Variants in ATPAF1 observed in about 807,000 individuals in gnomAD.
ATPAF1 encodes the protein ATP synthase mitochondrial F1 complex assembly factor 1.
Under a neutral mutation model 43.9 loss-of-function variants are expected in ATPAF1, and 26 were observed. That is an observed-to-expected ratio of 0.59 (90% CI 0.43 to 0.82). ATPAF1 has a LOEUF of 0.82. Ranked by LOEUF, ATPAF1 falls within the 40% of genes least tolerant of loss-of-function variation. The pLI is 0.00. For missense variants in ATPAF1, 366 were observed against 435.0 expected (o/e 0.84, Z 1.41); for synonymous variants, 157 against 168.0 (o/e 0.93, Z 0.50).
intron 4 of ATPAF1, among the ~76,000 whole-genome samples, chr1:46,655,260 G>T (rs1304576353): frequency 6.6e-6 from 1 of 152,116 alleles, no homozygotes; most frequent in African/African-American, 2.4e-5. Context: ...AACCATATTA[G>T]ATATTATTGG....
chr1:46,643,155 ATGAGGTAAAT>A (rs751099506), intron 8 of ATPAF1, 29 bp downstream of exon 8: 1 of 1,519,054 alleles, frequency 6.6e-7, no homozygotes, highest in Admixed American at 1.7e-5. Flanking sequence ...CTTCAGTGCC[ATGAGGTAAAT>A]CCAAAGAGTT....
intron 2 of ATPAF1, among the ~76,000 whole-genome samples, chr1:46,661,130 T>C (rs1232953744): frequency 2.0e-5 from 3 of 151,796 alleles, no homozygotes; most frequent in Non-Finnish European, 4.4e-5. Context: ...TGGAGTGCAG[T>C]GGCACAATCT....
At chr1:46,657,766 A>G (rs1276754883) in intron 4 of ATPAF1, among the ~76,000 whole-genome samples, 1 of 152,170 alleles carries the variant, frequency 6.6e-6, no homozygotes, top group African/African-American at 2.4e-5. Flanking sequence ...CCATAATGAA[A>G]GGAGAAGTTT....
chr1:46,668,072 A>T lies in ATPAF1; in HGVS notation c.251T>A (p.Ile84Asn). Residue 84 changes from isoleucine to asparagine, a missense_variant, in exon 1 of 9, where the codon ATC (isoleucine) becomes AAC (asparagine). Physicochemically the swap from Ile to Asn is moderately radical, Grantham distance 149 (BLOSUM62 -3). This residue lies in a region of ATPAF1 where 186 missense variants were observed against 168.5 expected (regional missense o/e 1.10). Coordinates refer to ENST00000574428, the Ensembl canonical transcript of ATPAF1. This position sits in a 1 kb window ranked among gnomAD's most constrained non-coding sequence, Gnocchi z 4.4. ...AGGCCCGCACCTGCGCAGCAGCTGG[A>T]TCTTGTCGCGGTAGCGGTCGTAGAA... 1 of 1,442,024 alleles carries T rather than the reference A, an allele frequency of 6.9e-7. No individual in the cohort carries two copies. Among genetic ancestry groups the T allele is most frequent in the South Asian group, 1.4e-5 (1 of 70,994 alleles). The allele number at this position is 1,442,024 out of a possible 1,614,324, so 89.3% of individuals were successfully genotyped here. A position where few individuals can be genotyped will look rare whatever the true frequency, so the allele number is the denominator to read the frequency against.
At chr1:46,660,858 C>T (rs778875373) in intron 2 of ATPAF1, among the ~76,000 whole-genome samples, 1 of 152,022 alleles carries the variant, frequency 6.6e-6, no homozygotes, top group African/African-American at 2.4e-5. Flanking sequence ...AAAAATTTCC[C>T]TCATCCTGTA....
intron 8 of ATPAF1, among the ~76,000 whole-genome samples, chr1:46,640,275 ATAG>A (rs746489951): frequency 4.3e-4 from 65 of 152,312 alleles, no homozygotes; most frequent in Non-Finnish European, 9.0e-4. Flanking sequence ...TTCTTTAATA[ATAG>A]TTTTTGTTAT....
intron 4 of ATPAF1, 27 bp downstream of exon 4, chr1:46,658,100 G>A: frequency 6.3e-7 from 1 of 1,599,220 alleles, no homozygotes; most frequent in Non-Finnish European, 8.5e-7. Flanking sequence ...TTTTCATAGA[G>A]TAGGCCAGCC....
chr1:46,641,599 T>G (rs1675951462), intron 8 of ATPAF1, among the ~76,000 whole-genome samples: 1 of 152,172 alleles, frequency 6.6e-6, no homozygotes, highest in African/African-American at 2.4e-5. Flanking sequence ...ACTGCTCTTA[T>G]AAGGCCCCCA....
chr1:46,633,530 C>G (rs1675786943), downstream of ATPAF1: 3 of 353,904 alleles, frequency 8.5e-6, no homozygotes, highest in Non-Finnish European at 1.6e-5. Context: ...AGCCTGTCCA[C>G]TTTCTATAAC....
chr1:46,653,466 A>G lies in ATPAF1; in HGVS notation c.540+351T>C, dbSNP rs147345888. On this transcript the variant is annotated intron_variant, in intron 5 of 8. Transcript: ENST00000574428. This position sits in a 1 kb window ranked among gnomAD's most constrained non-coding sequence, Gnocchi z 4.8. ...TCACTTACAGGCAAGAAGGGAAAAA[A>G]GCTGTGCTAGAGGCCCTGTCTTAAA... 3.3e-5 allele frequency among the ~76,000 whole-genome samples: 5 copies of G among 152,308 alleles called. No individual in the cohort carries two copies. Among genetic ancestry groups the G allele is most frequent in the African/African-American group, 9.6e-5 (4 of 41,574 alleles).
intron 8 of ATPAF1, among the ~76,000 whole-genome samples, chr1:46,641,746 C>G (rs1675954755): frequency 6.6e-6 from 1 of 152,182 alleles, no homozygotes; most frequent in Admixed American, 6.5e-5. Context: ...ATTCTACCAT[C>G]TTAATTTTCC....
At chr1:46,662,612 A>C (rs1056422480) in intron 2 of ATPAF1, among the ~76,000 whole-genome samples, 4 of 152,024 alleles carry the variant, frequency 2.6e-5, no homozygotes, top group Non-Finnish European at 5.9e-5. Context: ...TTTTTAGTAG[A>C]TACAGGGTTT....
At chr1:46,644,244 T>C (rs1258056) in intron 7 of ATPAF1, among the ~76,000 whole-genome samples, 90,756 of 151,992 alleles carry the variant, frequency 0.6, 28,976 homozygotes, top group Non-Finnish European at 0.73. Flanking sequence ...CCATAATGAT[T>C]AAGTTCACAG....
chr1:46,643,138 G>A, intron 8 of ATPAF1, 56 bp downstream of exon 8: 1 of 1,389,432 alleles, frequency 7.2e-7, no homozygotes, highest in Non-Finnish European at 1.0e-6. Context: ...TGGCAGAAGA[G>A]TAATACCTTC....
chr1:46,643,297 C>T (rs375918153), exon 8 of ATPAF1: 39 of 1,610,956 alleles, frequency 2.4e-5, no homozygotes, highest in African/African-American at 1.3e-4. Context: ...AGCTTCCCCT[C>T]GGGTCTGCAA....
In ATPAF1 at chr1:46,653,997, C is replaced by A. The variant is rs566642766; in HGVS notation, c.490-130G>T. 1.4e-6 allele frequency: 1 copy of A among 703,842 alleles called. No homozygotes were observed. Among genetic ancestry groups the A allele is most frequent in the African/African-American group, 1.8e-5 (1 of 54,818 alleles). The allele number at this position is 703,842 out of a possible 1,614,324, so 43.6% of individuals were successfully genotyped here. A position where few individuals can be genotyped will look rare whatever the true frequency, so the allele number is the denominator to read the frequency against. On this transcript the variant is annotated intron_variant, in intron 4 of 8. Coordinates refer to ENST00000574428, the Ensembl canonical transcript of ATPAF1. The surrounding 1 kb of genome is among the most constrained non-coding windows in gnomAD (Gnocchi z 4.8). ...AACAGAGAGGAAAAACCCAGTATAA[C>A]GCTTTCATTACTAGCACATCACAAA...
intron 6 of ATPAF1, among the ~76,000 whole-genome samples, chr1:46,652,157 C>A (rs1282808681): frequency 6.6e-6 from 1 of 150,588 alleles, no homozygotes; most frequent in East Asian, 1.9e-4. Flanking sequence ...TCACACTGTA[C>A]CCCATAAATA....
At chr1:46,652,340 G>T in intron 6 of ATPAF1, 1 of 406,842 alleles carries the variant, frequency 2.5e-6, no homozygotes, top group Non-Finnish European at 4.4e-6. Flanking sequence ...GGCTTACTGG[G>T]TCAAACCCAC....
exon 9 of ATPAF1, chr1:46,635,749 C>T (rs1675825334): frequency 6.3e-7 from 1 of 1,593,668 alleles, no homozygotes; most frequent in Admixed American, 1.7e-5. Flanking sequence ...GCTGAGTCAA[C>T]TAGGTGAAGG....
Sources: allele counts gnomAD v4.1 joint callset (sites outside exome capture counted in the v4.1 genomes callset), GRCh38; gene constraint gnomAD v4.1.1; regional missense constraint gnomAD v4.1.1; non-coding constraint Gnocchi (gnomAD v3.1); transcripts MANE v1.5; gene names NCBI Gene and HGNC (gene_info 2026-07-23, HGNC 2026-07-21).